FKBP15: variants seen among roughly 807,000 people sequenced by gnomAD.
The protein encoded by FKBP15 is FK506-binding protein 15.
A neutral mutation model predicts 158.1 loss-of-function variants in FKBP15; 106 were observed. The ratio of observed to expected loss-of-function variants is 0.67; its 90% CI spans 0.57 to 0.79. The LOEUF (loss-of-function observed/expected upper bound fraction) is 0.79. Among genes scored for constraint, FKBP15 ranks in the 30% least tolerant of loss-of-function variants. FKBP15 has a pLI of 0.00. For synonymous variants in FKBP15, 547 were observed against 548.6 expected (o/e 1.00, Z 0.04); for missense variants, 1,287 against 1,479.1 (o/e 0.87, Z 2.13).
chr9:113,191,420 C>T (rs996162082), intron 11 of FKBP15, among the ~76,000 whole-genome samples: 7 of 151,806 alleles, frequency 4.6e-5, no homozygotes, highest in Non-Finnish European at 1.0e-4. Context: ...AGTTTGCTTA[C>T]AGGGATTGGT....
intron 2 of FKBP15, among the ~76,000 whole-genome samples, chr9:113,210,106 T>C (rs1234092113): frequency 1.3e-5 from 2 of 152,108 alleles, no homozygotes; most frequent in African/African-American, 2.4e-5. Flanking sequence ...GCGGTGTCCA[T>C]ATGGGGCAGA....
intron 4 of FKBP15, 41 bp downstream of exon 4, chr9:113,206,468 T>C: frequency 6.5e-7 from 1 of 1,533,150 alleles, no homozygotes. Flanking sequence ...TGGTATTATT[T>C]GGGACATCTG....
chr9:113,182,672 T>C, intron 19 of FKBP15, 94 bp downstream of exon 19: 1 of 923,820 alleles, frequency 1.1e-6, no homozygotes, highest in Non-Finnish European at 1.7e-6. Context: ...ACTGCAAAAA[T>C]TCTGTTGGAA....
chr9:113,166,303 C>A, intron 27 of FKBP15, 148 bp from the exon 28 acceptor site: 1 of 626,588 alleles, frequency 1.6e-6, no homozygotes, highest in South Asian at 2.1e-5. Context: ...GGCCAGCAAA[C>A]CTAGGCTTCC....
At chr9:113,166,258 C>A in intron 27 of FKBP15, 103 bp from the exon 28 acceptor site, 1 of 1,090,676 alleles carries the variant, frequency 9.2e-7, no homozygotes, top group Non-Finnish European at 1.3e-6. Context: ...AGCTCTGGGT[C>A]AGAAAGGAGG....
intron 27 of FKBP15, 78 bp from the exon 28 acceptor site, chr9:113,166,233 C>A: frequency 7.7e-7 from 1 of 1,299,280 alleles, no homozygotes. Context: ...TGGAAGCAAT[C>A]CAACTTCTGT....
chr9:113,170,544 C>T lies in FKBP15; in HGVS notation c.2744G>A (p.Gly915Glu), dbSNP rs200208600. ...EESYNGRTIL[G>E]TIMNTIKMVT... ...TACCTTGATCGTATTCATGATGGTT[C>T]CCAGAATGGTCCTGCCATTGTAAGA... is the stretch of plus-strand genomic sequence containing the variant. The change falls in exon 25 of 28, where the codon GGA (glycine) becomes GAA (glutamate). Residue 915 changes from glycine (G) to glutamate (E), a missense_variant. Physicochemically the swap from Gly to Glu is moderately conservative, Grantham distance 98. Coordinates refer to ENST00000238256, the MANE Select transcript of FKBP15 (RefSeq NM_015258.2). The T allele has an allele frequency of 2.9e-5, 46 of 1,613,184 alleles. No individual in the cohort carries two copies. In the African/African-American group the frequency reaches 5.2e-4, roughly 18 times the overall value.
At chr9:113,177,794 C>G (rs1166713450) in intron 20 of FKBP15, among the ~76,000 whole-genome samples, 1 of 152,196 alleles carries the variant, frequency 6.6e-6, no homozygotes, top group Non-Finnish European at 1.5e-5. Context: ...TGTCTGCCTT[C>G]CATATTTGTT....
Position 113,197,647 on chromosome 9 carries a change from C to T in FKBP15, c.718-569G>A, listed in dbSNP as rs191660327. Reference sequence around the variant, plus strand: ...TCGTGCCACTGCACTCCAGCCTGGGCGACAGAGCAAGACTCAGTTTCCCCC... The same window carrying T: ...TCGTGCCACTGCACTCCAGCCTGGGTGACAGAGCAAGACTCAGTTTCCCCC... On this transcript the variant is annotated intron_variant, in intron 8 of 27. Transcript: ENST00000238256. Among the ~76,000 whole-genome samples, 152 of 152,188 alleles carry T rather than the reference C, an allele frequency of 1.0e-3. 1 individual carries two copies. Among genetic ancestry groups the T allele is most frequent in the Middle Eastern group, 3.4e-3 (1 of 294 alleles).
rs745624274 is a variant in FKBP15 at position 113,166,102 on chromosome 9, G to GTCA, written c.3633_3635dup (p.Asp1214dup). ...TTCATCCCAGCCAGTCAATGTCATCGTCATCATCATCATCTCCAAAAAGGG... is the reference window on the plus strand; with the variant it reads ...TTCATCCCAGCCAGTCAATGTCATCGTCATCATCATCATCATCTCCAAAAAGGG... On this transcript the variant is annotated inframe_insertion, in exon 28 of 28. Transcript: ENST00000238256. 7 of 1,613,346 alleles carry GTCA rather than the reference G, an allele frequency of 4.3e-6. No homozygotes were observed. The Admixed American group carries it at 6.7e-5, about 15-fold the overall frequency.
At chr9:113,218,377 T>TTAATTATA (rs1831184472) in intron 1 of FKBP15, among the ~76,000 whole-genome samples, 1 of 101,504 alleles carries the variant, frequency 9.9e-6, no homozygotes, top group Non-Finnish European at 2.0e-5. Flanking sequence ...GTAAATACAA[T>TTAATTATA]TATATATATA....
At chr9:113,204,195 A>G (rs1830846455) in intron 4 of FKBP15, among the ~76,000 whole-genome samples, 1 of 152,172 alleles carries the variant, frequency 6.6e-6, no homozygotes, top group Admixed American at 6.5e-5. Flanking sequence ...CTCCTGCCCC[A>G]GCCTCCCAAG....
intron 27 of FKBP15, 82 bp from the exon 28 acceptor site, chr9:113,166,237 C>T (rs1005706172): frequency 2.4e-6 from 3 of 1,257,144 alleles, no homozygotes; most frequent in Non-Finnish European, 3.4e-6. Context: ...AGCAATCCAA[C>T]TTCTGTTCCC....
At chr9:113,201,223 T>C (rs1340580291) in intron 6 of FKBP15, among the ~76,000 whole-genome samples, 1 of 151,864 alleles carries the variant, frequency 6.6e-6, no homozygotes. Context: ...TGAAAAGCAG[T>C]GTGCCAAAGT....
intron 19 of FKBP15, among the ~76,000 whole-genome samples, chr9:113,180,092 A>C (rs1830366741): frequency 6.6e-6 from 1 of 152,238 alleles, no homozygotes; most frequent in East Asian, 1.9e-4. Context: ...TGCAGCAGCT[A>C]AAACACTGGA....
In FKBP15 at chr9:113,198,886, C is replaced by T. The variant is rs369857780; in HGVS notation, c.686G>A (p.Arg229His). 21 of 1,605,752 alleles carry T rather than the reference C, an allele frequency of 1.3e-5. No homozygotes were observed. In the African/African-American group the frequency reaches 1.9e-4, roughly 14 times the overall value. The change falls in exon 8 of 28, where the codon CGC (arginine) becomes CAC (histidine). Residue 229 changes from arginine to histidine, a missense_variant. Coordinates refer to ENST00000238256, the MANE Select transcript of FKBP15 (RefSeq NM_015258.2). The surrounding 1 kb of genome is among the most constrained non-coding windows in gnomAD (Gnocchi z 5.2). ...GACTTTTCCTGATCCTAACTTCAAG[C>T]GAAGCAACTTATCTTTGTTAGCAGT... is the stretch of plus-strand genomic sequence containing the variant. ...DSTANKDKLL[R>H]LKLGSGKVIK...
intron 11 of FKBP15, among the ~76,000 whole-genome samples, chr9:113,192,805 A>G (rs984175172): frequency 1.3e-5 from 2 of 152,256 alleles, no homozygotes; most frequent in African/African-American, 2.4e-5. Flanking sequence ...GGAAATAAAC[A>G]TGAAGCTTAG....
At chr9:113,172,704 G>T (rs796657574) in intron 23 of FKBP15, among the ~76,000 whole-genome samples, 2 of 152,260 alleles carry the variant, frequency 1.3e-5, no homozygotes, top group African/African-American at 4.8e-5. Flanking sequence ...AGAGCAGGAG[G>T]GTAGGTAATA....
At chr9:113,203,189 T>TA (rs1265308979) in intron 4 of FKBP15, among the ~76,000 whole-genome samples, 154 bp from the exon 5 acceptor site, 2 of 152,232 alleles carry the variant, frequency 1.3e-5, no homozygotes, top group Non-Finnish European at 2.9e-5. Flanking sequence ...GCTTCAACTT[T>TA]AAATTTTATC....
Sources: allele counts gnomAD v4.1 joint callset (sites outside exome capture counted in the v4.1 genomes callset), GRCh38; gene constraint gnomAD v4.1.1; non-coding constraint Gnocchi (gnomAD v3.1); transcripts MANE v1.5; gene names NCBI Gene and HGNC (gene_info 2026-07-23, HGNC 2026-07-21).